The following CDYL variants were observed in gnomAD, a reference collection of about 807,000 sequenced individuals.
CDYL encodes the protein chromodomain Y like.
A neutral mutation model predicts 47.3 loss-of-function variants in CDYL; 8 were observed. The ratio of observed to expected loss-of-function variants is 0.17; its 90% CI spans 0.10 to 0.31. The LOEUF is 0.31. Ranked by LOEUF, CDYL falls within the 10% of genes least tolerant of loss-of-function variation. The pLI is 1.00. For synonymous variants in CDYL, 266 were observed against 265.0 expected (o/e 1.00, Z -0.04); for missense variants, 471 against 701.4 (o/e 0.67, Z 3.71).
chr6:4,948,531 AC>A (rs1373024073), intron 5 of CDYL, among the ~76,000 whole-genome samples: 2 of 102,676 alleles, frequency 1.9e-5, no homozygotes, highest in East Asian at 4.4e-4. Context: ...GGCAGTTTTC[AC>A]CCCCGACCTC....
At chr6:4,848,118 A>G (rs1395323818) in intron 1 of CDYL, among the ~76,000 whole-genome samples, 2 of 152,186 alleles carry the variant, frequency 1.3e-5, no homozygotes, top group African/African-American at 4.8e-5. Flanking sequence ...CCATAGTTAC[A>G]TATGATTCTA....
intron 1 of CDYL, among the ~76,000 whole-genome samples, chr6:4,868,549 G>T (rs808593): frequency 0.21 from 32,059 of 151,810 alleles, 4,986 homozygotes; most frequent in African/African-American, 0.45. Context: ...TTAAAATAAC[G>T]GAGTCCTGTT....
At position 4,911,096 on chromosome 6, in the gene CDYL, G is replaced by C. The variant is rs370911111; in HGVS notation, c.691+18717G>C. Reference sequence around the variant, plus strand: ...CCGCCTTGGCCTCCCAAAGTGCTGGGATTACAGGCGTGAGCCACTGCGCCC... The same window carrying C: ...CCGCCTTGGCCTCCCAAAGTGCTGGCATTACAGGCGTGAGCCACTGCGCCC... On this transcript the variant is annotated intron_variant, in intron 2 of 6. Coordinates refer to ENST00000397588, the MANE Select transcript of CDYL (RefSeq NM_004824.4). Among the ~76,000 whole-genome samples the C allele has an allele frequency of 3.3e-4, 50 of 152,334 alleles. No homozygotes were observed. In the East Asian group the frequency reaches 8.5e-3, roughly 26 times the overall value.
At chr6:4,794,957 G>T (rs975167719) in intron 1 of CDYL, among the ~76,000 whole-genome samples, 1 of 151,944 alleles carries the variant, frequency 6.6e-6, no homozygotes, top group Non-Finnish European at 1.5e-5. Flanking sequence ...TGCAAATAGG[G>T]ATAGTTTTTT....
intron 3 of CDYL, among the ~76,000 whole-genome samples, chr6:4,751,653 C>T (rs1394012436): frequency 1.3e-5 from 2 of 152,170 alleles, no homozygotes; most frequent in African/African-American, 2.4e-5. Context: ...TCAGGGGTAG[C>T]GATGGACGAA....
intron 1 of CDYL, among the ~76,000 whole-genome samples, chr6:4,782,782 C>T (rs1758651700): frequency 6.6e-6 from 1 of 152,186 alleles, no homozygotes; most frequent in Admixed American, 6.5e-5. Context: ...TGAACTAAGA[C>T]TTATCTGTGG....
intron 1 of CDYL, among the ~76,000 whole-genome samples, chr6:4,865,929 G>C (rs1336962400): frequency 2.6e-5 from 4 of 152,160 alleles, no homozygotes; most frequent in Non-Finnish European, 5.9e-5. Flanking sequence ...ACAGTTTTAA[G>C]TGGACATAAA....
intron 3 of CDYL, among the ~76,000 whole-genome samples, chr6:4,761,766 C>A (rs62384844): frequency 0.085 from 12,990 of 152,266 alleles, 607 homozygotes; most frequent in South Asian, 0.14. Context: ...TTATTCTCAA[C>A]CTGTTTCCTC....
chr6:4,758,370 A>ATATATCTCTC (rs140149693), intron 3 of CDYL, among the ~76,000 whole-genome samples: 2 of 137,762 alleles, frequency 1.5e-5, no homozygotes, highest in African/African-American at 5.7e-5. Context: ...ATATATATAT[A>ATATATCTCTC]TCTCTTTGTG....
chr6:4,734,709 G>A, intron 2 of CDYL: 1 of 1,605,552 alleles, frequency 6.2e-7, no homozygotes, highest in Non-Finnish European at 8.5e-7. Flanking sequence ...GATGGGGATG[G>A]GGAAGAGGAT....
chr6:4,905,532 G>C (rs576471554), intron 2 of CDYL, among the ~76,000 whole-genome samples: 1 of 152,196 alleles, frequency 6.6e-6, no homozygotes, highest in African/African-American at 2.4e-5. Flanking sequence ...AGAAGCAGTC[G>C]GTGGGAGAGG....
At position 4,895,467 on chromosome 6, in the gene CDYL, A is replaced by ATATGTATCTATACATG. The variant is rs1561694115; in HGVS notation, c.691+3091_691+3092insGTATCTATACATGTAT. ...TATATGCATATATACATGTATACAT[A>ATATGTATCTATACATG]TATACGTATATATGTATATATACAT... On this transcript the variant is annotated intron_variant, in intron 2 of 6. Coordinates refer to ENST00000397588, the MANE Select transcript of CDYL (RefSeq NM_004824.4). 8.9e-5 allele frequency among the ~76,000 whole-genome samples: 10 copies of ATATGTATCTATACATG among 112,382 alleles called. 4 individuals are homozygous for ATATGTATCTATACATG. Among genetic ancestry groups the ATATGTATCTATACATG allele is most frequent in the African/African-American group, 3.3e-4 (10 of 30,072 alleles). 73.7% of individuals were successfully genotyped at this position (112,382 alleles called of 152,430 possible).
At chr6:4,889,227 T>C (rs1032624055) in intron 1 of CDYL, among the ~76,000 whole-genome samples, 11 of 152,100 alleles carry the variant, frequency 7.2e-5, no homozygotes, top group Non-Finnish European at 1.3e-4. Flanking sequence ...CATACCTTTT[T>C]TTTTTTCTTT....
intron 2 of CDYL, among the ~76,000 whole-genome samples, chr6:4,720,583 CTGAAA>C (rs1757349747): frequency 6.6e-6 from 1 of 152,078 alleles, no homozygotes; most frequent in Non-Finnish European, 1.5e-5. Context: ...CCTAAGATGC[CTGAAA>C]TGAGTTATTA....
At chr6:4,918,659 A>G (rs1282791220) in intron 2 of CDYL, among the ~76,000 whole-genome samples, 1 of 152,224 alleles carries the variant, frequency 6.6e-6, no homozygotes, top group African/African-American at 2.4e-5. Flanking sequence ...GCGCTTGAAT[A>G]AAGTTTTCCA....
At chr6:4,709,296 A>G (rs1207597369) in intron 1 of CDYL, among the ~76,000 whole-genome samples, 2 of 152,046 alleles carry the variant, frequency 1.3e-5, no homozygotes. Context: ...CCTGAGTTCA[A>G]GCAATTCTCC....
At chr6:4,890,623 G>T (rs568327177) in intron 1 of CDYL, among the ~76,000 whole-genome samples, 35 of 152,170 alleles carry the variant, frequency 2.3e-4, no homozygotes, top group Non-Finnish European at 3.8e-4. Flanking sequence ...CGTTCTCTAC[G>T]ATCATCAGCA....
At chr6:4,820,851 G>A (rs1056536781) in intron 1 of CDYL, among the ~76,000 whole-genome samples, 3 of 152,198 alleles carry the variant, frequency 2.0e-5, no homozygotes, top group African/African-American at 7.2e-5. Context: ...GCAGCCTGCA[G>A]CGTGCAGAAA....
intron 2 of CDYL, among the ~76,000 whole-genome samples, chr6:4,716,741 C>CATCT: frequency 6.6e-6 from 1 of 151,616 alleles, no homozygotes. Flanking sequence ...CTGAAGAAGT[C>CATCT]ATCTGTTCAT....
Sources: allele counts gnomAD v4.1 joint callset (sites outside exome capture counted in the v4.1 genomes callset), GRCh38; gene constraint gnomAD v4.1.1; transcripts MANE v1.5; gene names NCBI Gene and HGNC (gene_info 2026-07-23, HGNC 2026-07-21).